CMPK2: variants seen among roughly 807,000 people sequenced by gnomAD.
CMPK2 encodes UMP-CMP kinase 2, mitochondrial.
CMPK2 carries 32 observed loss-of-function variants against 33.4 expected under a neutral mutation model. That is an observed-to-expected ratio of 0.96 (90% CI 0.72 to 1.29). The LOEUF (loss-of-function observed/expected upper bound fraction) is 1.29. Ranked by LOEUF, CMPK2 falls within the 50% of genes most tolerant of loss-of-function variation. The pLI is 0.00. For missense variants in CMPK2, 672 were observed against 616.0 expected (o/e 1.09, Z -0.96); for synonymous variants, 299 against 275.3 (o/e 1.09, Z -0.85).
intron 3 of CMPK2, among the ~76,000 whole-genome samples, chr2:6,852,291 TAA>T (rs1210985644): frequency 1.3e-5 from 2 of 152,222 alleles, no homozygotes; most frequent in Admixed American, 1.3e-4. Context: ...CTGGCTGTTT[TAA>T]AAAGTGATTT....
chr2:6,851,072 C>T, intron 4 of CMPK2: 2 of 1,071,714 alleles, frequency 1.9e-6, no homozygotes, highest in Non-Finnish European at 2.3e-6. Flanking sequence ...AGTAAAATGC[C>T]TGACACACGG....
chr2:6,852,903 A>C (rs1662565910), intron 3 of CMPK2, among the ~76,000 whole-genome samples: 1 of 152,190 alleles, frequency 6.6e-6, no homozygotes, highest in Non-Finnish European at 1.5e-5. Context: ...CAACGTAGAG[A>C]TACCCAGGGG....
In CMPK2 at chr2:6,840,792, T is replaced by C. The variant is rs1199677595; in HGVS notation, c.993-114A>G. On this transcript the variant is annotated intron_variant, in intron 3 of 3. Transcript: ENST00000458098. ...TTCTGATAACTGTTTTAATTCCTGC[T>C]AGAACTGGGCCAGGGAGGTTACATG... 7 of 651,540 alleles carry C rather than the reference T, an allele frequency of 1.1e-5. No individual in the cohort carries two copies. In the Admixed American group the frequency reaches 1.3e-4, roughly 12 times the overall value. The allele number at this position is 651,540 out of a possible 1,614,324, so 40.4% of individuals were successfully genotyped here.
intron 2 of CMPK2, 27 bp from the exon 3 acceptor site, chr2:6,861,412 A>G (rs774046644): frequency 6.4e-7 from 1 of 1,573,480 alleles, no homozygotes; most frequent in Admixed American, 1.7e-5. Flanking sequence ...AAATATATAC[A>G]TCTTAACCAC....
Position 6,865,897 on chromosome 2 carries a change from C to T in CMPK2, c.-201G>A. The T allele has an allele frequency of 1.4e-6, 2 of 1,412,774 alleles. No homozygotes were observed. The highest frequency in any genetic ancestry group is 1.5e-5 in the African/African-American group (1 of 66,050). The allele number at this position is 1,412,774 out of a possible 1,614,324, so 87.5% of individuals were successfully genotyped here. ...GCGCCCTTCCGGCCTCTCCTCCTCG[C>T]CGCGAGATGTGCGCGATAAACGGCC... is the stretch of plus-strand genomic sequence containing the variant. On this transcript the variant is annotated 5_prime_UTR_variant, in exon 1 of 5. Transcript: ENST00000256722.
rs188877040 is a variant in CMPK2 at position 6,853,744 on chromosome 2, T to C, written c.993-2061A>G. Among the ~76,000 whole-genome samples, 567 of 152,034 alleles carry C rather than the reference T, an allele frequency of 3.7e-3. 4 individuals are homozygous for C. The highest frequency in any genetic ancestry group is 0.013 in the African/African-American group (532 of 41,478). On this transcript the variant is annotated intron_variant, in intron 3 of 4. Coordinates refer to ENST00000256722, the MANE Select transcript of CMPK2 (RefSeq NM_207315.4). ...GGTGAAACCCCGTCTTTACTAAATA[T>C]ACAAAAAATTAGCCGGGCGTGGTGG...
chr2:6,858,140 G>T (rs1390965323), intron 3 of CMPK2, among the ~76,000 whole-genome samples: 2 of 151,666 alleles, frequency 1.3e-5, no homozygotes, highest in Non-Finnish European at 2.9e-5. Flanking sequence ...GCTTATTTCA[G>T]TCTTAGCTTC....
In CMPK2 at chr2:6,849,629, G is replaced by C. The variant is rs899877100; in HGVS notation, c.*221C>G. 8 of 1,346,820 alleles carry C rather than the reference G, an allele frequency of 5.9e-6. No individual in the cohort carries two copies. Among genetic ancestry groups the C allele is most frequent in the Non-Finnish European group, 7.6e-6 (8 of 1,054,946 alleles). 83.4% of individuals were successfully genotyped at this position (1,346,820 alleles called of 1,614,324 possible). ...TATGCCAGGAAGAAAGCAATCGCTG[G>C]CCTCTCACTGGAACATGATGAGAGG... On this transcript the variant is annotated 3_prime_UTR_variant, in exon 5 of 5. Transcript: ENST00000256722.
rs1440509510 is a variant in CMPK2, at chr2:6,861,092, ATACACACACACG to A, written c.992+80_992+91del. Reference sequence around the variant, plus strand: ...TTTTTCCTGGCATATACATGTACGTATACACACACACGCACACACACACACACACACACACCC... The same window carrying A: ...TTTTTCCTGGCATATACATGTACGTACACACACACACACACACACACACCC... On this transcript the variant is annotated intron_variant, in intron 3 of 4. Transcript: ENST00000256722. 266 of 824,560 alleles carry A rather than the reference ATACACACACACG, an allele frequency of 3.2e-4. 1 individual carries two copies. Among genetic ancestry groups the A allele is most frequent in the African/African-American group, 5.1e-4 (26 of 50,908 alleles). The allele number at this position is 824,560 out of a possible 1,614,324, so 51.1% of individuals were successfully genotyped here. A position where few individuals can be genotyped will look rare whatever the true frequency, so the allele number is the denominator to read the frequency against.
downstream of CMPK2, among the ~76,000 whole-genome samples, chr2:6,844,007 C>T (rs964799037): frequency 6.6e-6 from 1 of 152,208 alleles, no homozygotes; most frequent in African/African-American, 2.4e-5. Flanking sequence ...GAGACTGGCT[C>T]TGGACCTAGC....
intron 3 of CMPK2, among the ~76,000 whole-genome samples, chr2:6,857,762 A>G (rs1662758027): frequency 6.6e-6 from 1 of 151,010 alleles, no homozygotes; most frequent in African/African-American, 2.4e-5. Context: ...CAGCCTCCCG[A>G]GTAGCTGGGA....
chr2:6,865,909 C>T (rs2103231647), upstream of CMPK2: 2 of 1,410,364 alleles, frequency 1.4e-6, no homozygotes, highest in South Asian at 2.7e-5. Context: ...GCGAGATGTG[C>T]GCGATAAACG....
chr2:6,851,518 C>T lies in CMPK2; in HGVS notation c.1158G>A (p.Leu386=), dbSNP rs1353218644. The part of the protein sequence containing the change: ...TVSPEERLQR[L]QGRGMEKTRE... Reference sequence around the variant, plus strand: ...TGGTCTTCTCCATGCCCCGGCCCTGCAGCCTCTGCAACCTCTCCTCAGGAC... The same window carrying T: ...TGGTCTTCTCCATGCCCCGGCCCTGTAGCCTCTGCAACCTCTCCTCAGGAC... The change falls in exon 4 of 5, where the codon CTG becomes CTA. Residue 386 remains leucine, a synonymous_variant. Transcript: ENST00000256722. The T allele has an allele frequency of 6.2e-7, 1 of 1,614,228 alleles. No individual in the cohort carries two copies. Among genetic ancestry groups the T allele is most frequent in the Admixed American group, 1.7e-5 (1 of 60,030 alleles).
intron 3 of CMPK2, among the ~76,000 whole-genome samples, chr2:6,853,323 T>C (rs563032660): frequency 2.6e-4 from 39 of 152,282 alleles, no homozygotes; most frequent in African/African-American, 9.4e-4. Flanking sequence ...TACACAGTGG[T>C]ATCCACATAA....
rs1226546707 is a variant in CMPK2, at chr2:6,865,583, G to A, written c.114C>T (p.Pro38=). The A allele has an allele frequency of 2.2e-6, 3 of 1,383,132 alleles. No homozygotes were observed. The African/African-American group carries it at 4.5e-5, about 21-fold the overall frequency. 85.7% of individuals were successfully genotyped at this position (1,383,132 alleles called of 1,614,324 possible). ...GGGCGAAGTGAGCCAGGGTGCAGTC[G>A]GGAAGCTCCAGGACGAAGCGGCGCG... The part of the protein sequence containing the change: ...APPRRFVLEL[P]DCTLAHFALG... Residue 38 remains proline (P), a synonymous_variant, in exon 1 of 5, where the codon CCC becomes CCT. Transcript: ENST00000256722.
rs1663028158 is a variant in CMPK2 at position 6,865,232 on chromosome 2, C to T, written c.465G>A (p.Glu155=). 1 of 1,536,210 alleles carries T rather than the reference C, an allele frequency of 6.5e-7. No homozygotes were observed. Among genetic ancestry groups the T allele is most frequent in the Non-Finnish European group, 8.7e-7 (1 of 1,147,648 alleles). The stretch of plus-strand genomic sequence containing the variant: ...ACTCGCCCAAGTGCGGGCGTGGTGC[C>T]TCCTGACAGGCGCCCAGCAGCTCGA... The part of the protein sequence containing the change: ...ALLELLGACQ[E]APRPHLGEFE... The change falls in exon 1 of 5, where the codon GAG becomes GAA. Residue 155 remains glutamate, a synonymous_variant. Transcript: ENST00000256722.
chr2:6,841,948 T>G (rs567556090), intron 3 of CMPK2, among the ~76,000 whole-genome samples: 9 of 152,322 alleles, frequency 5.9e-5, no homozygotes, highest in Admixed American at 1.3e-4. Context: ...GAAAGCATAC[T>G]TAGAATCCAT....
intron 4 of CMPK2, chr2:6,850,837 TACTC>T: frequency 1.0e-6 from 1 of 988,900 alleles, no homozygotes; most frequent in Non-Finnish European, 1.2e-6. Flanking sequence ...AACTGATTCA[TACTC>T]AGTCATGAGG....
chr2:6,855,990 T>C (rs543272044), intron 3 of CMPK2, among the ~76,000 whole-genome samples: 3 of 152,276 alleles, frequency 2.0e-5, no homozygotes, highest in East Asian at 1.9e-4. Flanking sequence ...GGAGTCAAAA[T>C]TAAAGCCTGG....
Sources: allele counts gnomAD v4.1 joint callset (sites outside exome capture counted in the v4.1 genomes callset), GRCh38; gene constraint gnomAD v4.1.1; transcripts MANE v1.5; gene names NCBI Gene and HGNC (gene_info 2026-07-23, HGNC 2026-07-21).